ARHGAP6: variants seen among roughly 807,000 people sequenced by gnomAD.
ARHGAP6 encodes Rho GTPase activating protein 6.
Under a neutral mutation model 55.7 loss-of-function variants are expected in ARHGAP6, and 16 were observed. That is an observed-to-expected ratio of 0.29 (90% CI 0.19 to 0.44). The LOEUF (loss-of-function observed/expected upper bound fraction) is 0.44, where lower values mean the gene tolerates loss of function less well. ARHGAP6 is among the 20% of genes least tolerant of loss of function. ARHGAP6 has a pLI of 1.00. For synonymous variants in ARHGAP6, 382 were observed against 360.9 expected, an observed-to-expected ratio of 1.06 and a Z score of -0.66; for missense variants, 698 against 808.9, an observed-to-expected ratio of 0.86 and a Z score of 1.66.
chrX:11,392,830 A>G (rs1187250607), intron 1 of ARHGAP6, among the ~76,000 whole-genome samples: 1 of 112,001 alleles, frequency 8.9e-6, no homozygotes, highest in East Asian at 2.8e-4. Flanking sequence ...ACCAAGTCCT[A>G]AGACTGTACA....
chrX:11,602,804 T>C (rs753423273), intron 1 of ARHGAP6, among the ~76,000 whole-genome samples: 5 of 112,319 alleles, frequency 4.5e-5, no homozygotes, highest in African/African-American at 1.6e-4. Context: ...CAATTACCAT[T>C]ATCCCCAATT....
In ARHGAP6 at chrX:11,169,228, A is replaced by G. The variant is rs1166805105; in HGVS notation, c.1809+277T>C. 4 of 247,099 alleles carry G rather than the reference A, an allele frequency of 1.6e-5. No homozygotes were observed. In the Admixed American group the frequency reaches 2.7e-4, roughly 17 times the overall value. 20.4% of individuals were successfully genotyped at this position (247,099 alleles called of 1,213,427 possible). On this transcript the variant is annotated intron_variant, in intron 9 of 12. Transcript: ENST00000337414. Reference sequence around the variant, plus strand: ...TTTTATTAATGTCTTGAGCAAGGACACTGCTTTATAATTAAGTGACTCCAA... The same window carrying G: ...TTTTATTAATGTCTTGAGCAAGGACGCTGCTTTATAATTAAGTGACTCCAA...
intron 1 of ARHGAP6, among the ~76,000 whole-genome samples, chrX:11,430,933 A>G (rs1434207993): frequency 9.0e-6 from 1 of 111,663 alleles, no homozygotes; most frequent in Admixed American, 9.5e-5. Context: ...TCCACACTTT[A>G]TAAATATTTT....
intron 1 of ARHGAP6, among the ~76,000 whole-genome samples, chrX:11,264,029 T>C (rs2047593642): frequency 9.0e-6 from 1 of 111,546 alleles, no homozygotes; most frequent in African/African-American, 3.3e-5. Flanking sequence ...GTTGAGTTGT[T>C]GCAACAGAGA....
rs1003675591 is a variant in ARHGAP6, at chrX:11,664,536, G to A, written c.293C>T (p.Pro98Leu). 24 of 1,199,384 alleles carry A rather than the reference G, an allele frequency of 2.0e-5. No homozygotes were observed. The highest frequency in any genetic ancestry group is 2.4e-5 in the Non-Finnish European group (21 of 889,213). The change falls in exon 1 of 13, where the codon CCT (proline) becomes CTT (leucine). Residue 98 changes from proline to leucine, a missense_variant. Pro to Leu is a moderately conservative substitution (Grantham distance 98, BLOSUM62 -3). This residue lies in a region of ARHGAP6 where 164 missense variants were observed against 149.2 expected (regional missense o/e 1.10). Transcript: ENST00000337414. ...GGGTGTGGAGAAGGACGAGCAAAGAGGTCCAGGAGGCGGTAGCCTGGTGGC... is the reference window on the plus strand; with the variant it reads ...GGGTGTGGAGAAGGACGAGCAAAGAAGTCCAGGAGGCGGTAGCCTGGTGGC... ...PRATRLPPPG[P>L]LCSSFSTPST...
intron 1 of ARHGAP6, among the ~76,000 whole-genome samples, chrX:11,332,952 T>A (rs1393822897): frequency 9.0e-6 from 1 of 111,591 alleles, no homozygotes; most frequent in Non-Finnish European, 1.9e-5. Context: ...TCTCAACTCA[T>A]CATCTTCTTA....
chrX:11,578,967 G>A (rs1257650294), intron 1 of ARHGAP6, among the ~76,000 whole-genome samples: 2 of 97,879 alleles, frequency 2.0e-5, no homozygotes, highest in Non-Finnish European at 4.0e-5. Flanking sequence ...ACTCATAGAT[G>A]AGAATTGAAC....
intron 1 of ARHGAP6, among the ~76,000 whole-genome samples, chrX:11,611,184 A>T (rs779283003): frequency 1.7e-4 from 19 of 112,591 alleles, no homozygotes; most frequent in East Asian, 1.4e-3. Flanking sequence ...TTTTAATCAG[A>T]TTGTTTTCAT....
chrX:11,379,861 A>G (rs2049242598), intron 1 of ARHGAP6, among the ~76,000 whole-genome samples: 1 of 110,733 alleles, frequency 9.0e-6, no homozygotes, highest in Non-Finnish European at 1.9e-5. Context: ...ATAGCCAAGC[A>G]GTAGGAATCT....
intron 1 of ARHGAP6, among the ~76,000 whole-genome samples, chrX:11,660,510 G>A (rs1159070451): frequency 1.3e-5 from 1 of 76,559 alleles, no homozygotes; most frequent in African/African-American, 5.1e-5. Flanking sequence ...CTGGGCAACA[G>A]GGTGAGACTC....
intron 1 of ARHGAP6, among the ~76,000 whole-genome samples, chrX:11,288,302 C>G (rs1168365849): frequency 8.9e-6 from 1 of 111,878 alleles, no homozygotes; most frequent in East Asian, 2.8e-4. Flanking sequence ...AGAACCATGG[C>G]TGGCAATAAA....
chrX:11,187,956 C>T (rs1395134869), intron 4 of ARHGAP6, among the ~76,000 whole-genome samples: 6 of 111,623 alleles, frequency 5.4e-5, no homozygotes, highest in Middle Eastern at 4.2e-3. Context: ...CACTTGAGCC[C>T]GGGAGATTGA....
chrX:11,561,783 A>C (rs964874824), intron 1 of ARHGAP6, among the ~76,000 whole-genome samples: 3 of 112,250 alleles, frequency 2.7e-5, no homozygotes, highest in East Asian at 5.5e-4. Flanking sequence ...TCTGTTTTTC[A>C]TGTCAAAGAA....
At chrX:11,432,632 T>A (rs1367629230) in intron 1 of ARHGAP6, among the ~76,000 whole-genome samples, 1 of 112,315 alleles carries the variant, frequency 8.9e-6, no homozygotes, top group African/African-American at 3.2e-5. Context: ...GTCTCTTTTT[T>A]AAGTCTTTTT....
chrX:11,387,058 A>C (rs1229436557), intron 1 of ARHGAP6, among the ~76,000 whole-genome samples: 2 of 112,190 alleles, frequency 1.8e-5, no homozygotes, highest in Non-Finnish European at 1.9e-5. Context: ...ACTTGGAAAA[A>C]ATCATTTGGT....
intron 3 of ARHGAP6, among the ~76,000 whole-genome samples, chrX:11,194,392 C>T (rs779316560): frequency 9.9e-5 from 11 of 111,652 alleles, no homozygotes; most frequent in East Asian, 2.8e-4. Flanking sequence ...GCACTTTAGA[C>T]GCTCTTAAAA....
chrX:11,424,512 T>C (rs762572892), intron 1 of ARHGAP6, among the ~76,000 whole-genome samples: 5 of 111,921 alleles, frequency 4.5e-5, no homozygotes, highest in African/African-American at 1.3e-4. Flanking sequence ...CTTTATCCCA[T>C]CCAAACTAAG....
At chrX:11,637,110 T>TA (rs2052427540) in intron 1 of ARHGAP6, among the ~76,000 whole-genome samples, 2 of 111,684 alleles carry the variant, frequency 1.8e-5, no homozygotes, top group South Asian at 3.7e-4. Context: ...GCTGTAAACT[T>TA]ACGCAGAAAA....
intron 1 of ARHGAP6, among the ~76,000 whole-genome samples, chrX:11,473,484 G>T (rs188397359): frequency 9.0e-6 from 1 of 111,403 alleles, no homozygotes; most frequent in Non-Finnish European, 1.9e-5. Flanking sequence ...AAAAAGGAGG[G>T]GACACATACA....
Sources: gnomAD v4.1 joint callset for allele counts (sites outside exome capture counted in the v4.1 genomes callset) on GRCh38, gnomAD v4.1.1 for gene constraint, gnomAD v4.1.1 regional missense constraint, MANE v1.5 for transcripts, NCBI Gene and HGNC (gene_info 2026-07-23, HGNC 2026-07-21) for gene names.